The following CUX2 variants were observed in gnomAD, a reference collection of about 807,000 sequenced individuals.
CUX2 encodes the protein homeobox protein cut-like 2.
A neutral mutation model predicts 144.8 loss-of-function variants in CUX2; 40 were observed. The ratio of observed to expected loss-of-function variants is 0.28; its 90% CI spans 0.21 to 0.36. The LOEUF is 0.36. Ranked by LOEUF, CUX2 falls within the 10% of genes least tolerant of loss-of-function variation. The probability of loss-of-function intolerance (pLI) is 1.00; values close to 1 mark genes in which losing one functional copy is unlikely to be tolerated. For synonymous variants in CUX2, 827 were observed against 875.6 expected (o/e 0.94, Z 0.98); for missense variants, 1,615 against 1,994.0 (o/e 0.81, Z 3.62).
At chr12:111,041,258 A>G (rs1421556865) in intron 1 of CUX2, among the ~76,000 whole-genome samples, 1 of 152,232 alleles carries the variant, frequency 6.6e-6, no homozygotes, top group African/African-American at 2.4e-5. Context: ...TGTTTAGCAC[A>G]GTGTGGGGCA....
In CUX2 at chr12:111,037,868, G is replaced by A. The variant is rs1281653228; in HGVS notation, c.63+3628G>A. Among the ~76,000 whole-genome samples the A allele has an allele frequency of 2.0e-5, 3 of 152,088 alleles. No individual in the cohort carries two copies. Among genetic ancestry groups the A allele is most frequent in the South Asian group, 2.1e-4 (1 of 4,818 alleles). On this transcript the variant is annotated intron_variant, in intron 1 of 21. Coordinates refer to ENST00000261726, the MANE Select transcript of CUX2 (RefSeq NM_015267.4). The surrounding 1 kb of genome is among the most constrained non-coding windows in gnomAD (Gnocchi z 5.4). ...GGGTTAATTGAGCTAACAATGAGCT[G>A]GGGGGCACCCAGTCCAAATGAGGGT...
At chr12:111,306,876 C>G in intron 10 of CUX2, 45 bp from the exon 11 acceptor site, 1 of 1,511,604 alleles carries the variant, frequency 6.6e-7, no homozygotes, top group Non-Finnish European at 8.9e-7. Context: ...CCTGTGGACC[C>G]CCATCCCTCA....
intron 3 of CUX2, among the ~76,000 whole-genome samples, chr12:111,237,351 CA>C (rs1882807661): frequency 6.6e-6 from 1 of 152,166 alleles, no homozygotes. Flanking sequence ...AGCCCCCTGG[CA>C]AATCCTCAAT....
chr12:111,094,026 C>T (rs911811155), intron 1 of CUX2, among the ~76,000 whole-genome samples: 43 of 152,258 alleles, frequency 2.8e-4, no homozygotes, highest in Admixed American at 2.6e-4. Flanking sequence ...AGAAGCCTTG[C>T]GAGGCTGTTT....
At chr12:111,344,364 A>G (rs1332021922) in intron 21 of CUX2, among the ~76,000 whole-genome samples, 2 of 152,236 alleles carry the variant, frequency 1.3e-5, no homozygotes, top group Non-Finnish European at 2.9e-5. Context: ...ACAAGGGGCC[A>G]AGGGAAAAGG....
intron 18 of CUX2, among the ~76,000 whole-genome samples, chr12:111,324,689 G>A (rs1416469820): frequency 1.3e-5 from 2 of 151,740 alleles, no homozygotes; most frequent in African/African-American, 4.8e-5. Context: ...TAGTAGAGAC[G>A]GGGTTTCTCC....
intron 3 of CUX2, among the ~76,000 whole-genome samples, chr12:111,233,651 G>C (rs1882592496): frequency 6.6e-6 from 1 of 152,154 alleles, no homozygotes; most frequent in African/African-American, 2.4e-5. Context: ...GTCATACTCA[G>C]GGCTGGTTAT....
At chr12:111,266,467 T>G in intron 4 of CUX2, among the ~76,000 whole-genome samples, 1 of 131,018 alleles carries the variant, frequency 7.6e-6, no homozygotes. Context: ...CAAGACCCTG[T>G]CTCAACAAAA....
intron 1 of CUX2, among the ~76,000 whole-genome samples, chr12:111,202,961 A>G (rs1592835011): frequency 6.6e-6 from 1 of 152,096 alleles, no homozygotes; most frequent in Non-Finnish European, 1.5e-5. Flanking sequence ...GCTGGGCACC[A>G]TGGTTCACGA....
chr12:111,315,580 A>G (rs920611959), intron 16 of CUX2, among the ~76,000 whole-genome samples: 1 of 152,126 alleles, frequency 6.6e-6, no homozygotes, highest in African/African-American at 2.4e-5. Context: ...TTAGCCAGGC[A>G]TGGTAGTAGG....
rs1260185804 is a variant in CUX2, at chr12:111,077,323, G to A, written c.63+43083G>A. Among the ~76,000 whole-genome samples the A allele has an allele frequency of 6.6e-6, 1 of 152,122 alleles. No individual in the cohort carries two copies. Among genetic ancestry groups the A allele is most frequent in the Admixed American group, 6.5e-5 (1 of 15,280 alleles). The stretch of plus-strand genomic sequence containing the variant: ...CAGGGCCCGGGAAGACGTGGGTAAT[G>A]TATTCACAGACATGACTCCCAGACC... On this transcript the variant is annotated intron_variant, in intron 1 of 21. Coordinates refer to ENST00000261726, the MANE Select transcript of CUX2 (RefSeq NM_015267.4). The surrounding 1 kb of genome is among the most constrained non-coding windows in gnomAD (Gnocchi z 4.1).
Position 111,341,735 on chromosome 12 carries a change from G to C in CUX2, c.3386-45G>C. ...ACTCCTGCTGGCCAGGAACTTTTGGGATGGGGACACCACCTCTCAGCCCTC... is the reference window on the plus strand; with the variant it reads ...ACTCCTGCTGGCCAGGAACTTTTGGCATGGGGACACCACCTCTCAGCCCTC... On this transcript the variant is annotated intron_variant, in intron 20 of 21. Transcript: ENST00000261726. 2.0e-6 allele frequency: 3 copies of C among 1,521,700 alleles called. No individual in the cohort carries two copies. The South Asian group carries it at 3.9e-5, about 20-fold the overall frequency. 94.3% of individuals were successfully genotyped at this position (1,521,700 alleles called of 1,614,324 possible). A position where few individuals can be genotyped will look rare whatever the true frequency, so the allele number is the denominator to read the frequency against.
chr12:111,126,174 T>A (rs1018200540), intron 1 of CUX2, among the ~76,000 whole-genome samples: 2 of 151,460 alleles, frequency 1.3e-5, no homozygotes, highest in Non-Finnish European at 2.9e-5. Context: ...GGGGACATAA[T>A]CTTGGCTCAC....
intron 1 of CUX2, among the ~76,000 whole-genome samples, chr12:111,162,099 G>A (rs531461208): frequency 6.6e-6 from 1 of 152,306 alleles, no homozygotes; most frequent in South Asian, 2.1e-4. Flanking sequence ...TTACAGAGGG[G>A]GAAAGCTGAG....
In CUX2 at chr12:111,262,246, TG is replaced by T. The variant is rs754082487; in HGVS notation, c.223-1514del. Among the ~76,000 whole-genome samples, 3 of 152,188 alleles carry T rather than the reference TG, an allele frequency of 2.0e-5. No homozygotes were observed. The East Asian group carries it at 5.8e-4, about 29-fold the overall frequency. On this transcript the variant is annotated intron_variant, in intron 3 of 21. Transcript: ENST00000261726. ...TCATGGCTGGGTTCTCAGCCCACAG[TG>T]CTTGGTGCATAGCAGGTGCTCAGGA... is the stretch of plus-strand genomic sequence containing the variant.
chr12:111,082,268 GGA>G (rs1871936753), intron 1 of CUX2, among the ~76,000 whole-genome samples: 1 of 152,002 alleles, frequency 6.6e-6, no homozygotes, highest in Non-Finnish European at 1.5e-5. Context: ...GAGATGAGCG[GGA>G]GAGAGAGAGA....
intron 1 of CUX2, among the ~76,000 whole-genome samples, chr12:111,197,283 C>T (rs1880298310): frequency 6.6e-6 from 1 of 152,174 alleles, no homozygotes; most frequent in Non-Finnish European, 1.5e-5. Context: ...AAAGGATCAG[C>T]TTCTGTTATT....
chr12:111,088,976 C>A (rs981697640), intron 1 of CUX2, among the ~76,000 whole-genome samples: 5 of 152,126 alleles, frequency 3.3e-5, no homozygotes, highest in Non-Finnish European at 7.4e-5. Flanking sequence ...GGAGTTACGA[C>A]CCCCTCCCCA....
At chr12:111,056,011 C>T (rs1368771776) in intron 1 of CUX2, among the ~76,000 whole-genome samples, 6 of 152,208 alleles carry the variant, frequency 3.9e-5, no homozygotes, top group Non-Finnish European at 5.9e-5. Context: ...GTTCTTTCCC[C>T]TCCATAGCTA....
Sources: allele counts gnomAD v4.1 joint callset (sites outside exome capture counted in the v4.1 genomes callset), GRCh38; gene constraint gnomAD v4.1.1; non-coding constraint Gnocchi (gnomAD v3.1); transcripts MANE v1.5; gene names NCBI Gene and HGNC (gene_info 2026-07-23, HGNC 2026-07-21).